PCDHA9: variants seen among roughly 807,000 people sequenced by gnomAD.
PCDHA9 encodes protocadherin alpha 9.
PCDHA9 carries 62 observed loss-of-function variants against 62.0 expected under a neutral mutation model. The observed-to-expected ratio is 1.00, with a 90% confidence interval of 0.81 to 1.23. The LOEUF is 1.23. PCDHA9 is among the 50% of genes most tolerant of loss of function. The pLI is 0.00. For missense variants in PCDHA9, 1,205 were observed against 1,249.8 expected, an observed-to-expected ratio of 0.96 and a Z score of 0.54; for synonymous variants, 557 against 567.6, an observed-to-expected ratio of 0.98 and a Z score of 0.27.
intron 1 of PCDHA9, among the ~76,000 whole-genome samples, chr5:140,897,323 T>TCCCTCCC (rs2065998893): frequency 1.7e-5 from 2 of 114,654 alleles, no homozygotes; most frequent in South Asian, 6.8e-4. Flanking sequence ...CCTAAAGCTA[T>TCCCTCCC]CCCTCCCCCC....
intron 1 of PCDHA9, chr5:140,930,576 T>C (rs1554207933): frequency 1.3e-5 from 2 of 152,582 alleles, no homozygotes; most frequent in Non-Finnish European, 2.9e-5. Flanking sequence ...TCTACGGTAT[T>C]ACTTTTTGAC....
intron 1 of PCDHA9, chr5:140,871,009 C>T (rs1288290775): frequency 1.9e-6 from 3 of 1,613,246 alleles, no homozygotes; most frequent in African/African-American, 2.7e-5. Flanking sequence ...AACGCGTGCC[C>T]TGGACGAGGC....
rs781814958 is a variant in PCDHA9 at position 140,869,604 on chromosome 5, A to G, written c.2394+18715A>G. On this transcript the variant is annotated intron_variant, in intron 1 of 3. Transcript: ENST00000532602. ...ATGCTGACATTGAAGAGAATGCTCTATTGACCTACAGGCTAAGTAAAAATG... is the reference window on the plus strand; with the variant it reads ...ATGCTGACATTGAAGAGAATGCTCTGTTGACCTACAGGCTAAGTAAAAATG... 5 of 1,613,944 alleles carry G rather than the reference A, an allele frequency of 3.1e-6. No individual in the cohort carries two copies. In the African/African-American group the frequency reaches 4.0e-5, roughly 13 times the overall value.
rs531946864 is a variant in PCDHA9, at chr5:140,866,396, C to T, written c.2394+15507C>T. 5.3e-5 allele frequency: 8 copies of T among 152,156 alleles called. No individual in the cohort carries two copies. In the East Asian group the frequency reaches 9.6e-4, roughly 18 times the overall value. 9.4% of individuals were successfully genotyped at this position (152,156 alleles called of 1,614,324 possible). A position where few individuals can be genotyped will look rare whatever the true frequency, so the allele number is the denominator to read the frequency against. The stretch of plus-strand genomic sequence containing the variant: ...AATAACAATTTTAAAGACATAGATT[C>T]CCATGAAAATCTTCAAATGTGTGTA... On this transcript the variant is annotated intron_variant, in intron 1 of 3. Transcript: ENST00000532602.
rs1263474406 is a variant in PCDHA9, at chr5:140,967,341, A to G, written c.2395-11608A>G. ...ACCTACGAGCTCAGCCCCAGCGAGCACTTCGAGCTGGACCTTAAGCCCCTG... is the reference window on the plus strand; with the variant it reads ...ACCTACGAGCTCAGCCCCAGCGAGCGCTTCGAGCTGGACCTTAAGCCCCTG... On this transcript the variant is annotated intron_variant, in intron 1 of 3. Coordinates refer to ENST00000532602, the MANE Select transcript of PCDHA9 (RefSeq NM_031857.2). 3 of 1,607,922 alleles carry G rather than the reference A, an allele frequency of 1.9e-6. No homozygotes were observed. The highest frequency in any genetic ancestry group is 1.3e-5 in the African/African-American group (1 of 74,782).
intron 1 of PCDHA9, chr5:140,927,766 G>A: frequency 1.2e-6 from 2 of 1,614,234 alleles, no homozygotes; most frequent in Non-Finnish European, 1.7e-6. Context: ...TAAAAGTGGG[G>A]AGGTGCAAGT....
chr5:140,872,160 C>A (rs782612001), intron 1 of PCDHA9, among the ~76,000 whole-genome samples: 10 of 151,070 alleles, frequency 6.6e-5, no homozygotes, highest in African/African-American at 9.8e-5. Context: ...ACATGATTTA[C>A]TTTTCTTTTT....
At chr5:140,899,200 T>G (rs1554188457) in intron 1 of PCDHA9, among the ~76,000 whole-genome samples, 2 of 151,512 alleles carry the variant, frequency 1.3e-5, no homozygotes, top group Admixed American at 1.3e-4. Context: ...CCTGCCTAAT[T>G]GCCCTGGCCA....
intron 1 of PCDHA9, among the ~76,000 whole-genome samples, chr5:140,978,316 A>AC (rs1370469532): frequency 5.4e-4 from 83 of 152,358 alleles, no homozygotes; most frequent in African/African-American, 1.9e-3. Context: ...AGGAGCAGGA[A>AC]CAAGTACAAG....
chr5:140,978,240 C>G (rs1290697340), intron 1 of PCDHA9, among the ~76,000 whole-genome samples: 1 of 152,174 alleles, frequency 6.6e-6, no homozygotes, highest in African/African-American at 2.4e-5. Flanking sequence ...TGGATTTCAG[C>G]TACTCCCTGT....
At chr5:140,869,732 T>C (rs782783003) in intron 1 of PCDHA9, 2 of 1,613,412 alleles carry the variant, frequency 1.2e-6, no homozygotes, top group Non-Finnish European at 1.7e-6. Flanking sequence ...GAACTTAATT[T>C]GCTGCTAACA....
chr5:140,896,366 C>T (rs905088200), intron 1 of PCDHA9, among the ~76,000 whole-genome samples: 1 of 152,090 alleles, frequency 6.6e-6, no homozygotes, highest in Non-Finnish European at 1.5e-5. Context: ...TATAAGCATT[C>T]CCTTTTCTCT....
At position 140,857,632 on chromosome 5, in the gene PCDHA9, G is replaced by C; in HGVS notation, c.2394+6743G>C. On this transcript the variant is annotated intron_variant, in intron 1 of 3. Transcript: ENST00000532602. ...AGCCGCTGGACCACGAGGAGCTGGA[G>C]CTGCTACAGTTCCAGGTGAGCGCGC... 1.9e-6 allele frequency: 3 copies of C among 1,596,770 alleles called. 1 individual carries two copies. Among genetic ancestry groups the C allele is most frequent in the Non-Finnish European group, 2.6e-6 (3 of 1,167,764 alleles).
At chr5:140,916,070 G>A (rs1554197282) in intron 1 of PCDHA9, among the ~76,000 whole-genome samples, 1 of 152,130 alleles carries the variant, frequency 6.6e-6, no homozygotes, top group Non-Finnish European at 1.5e-5. Flanking sequence ...CCTGTGGCCA[G>A]TACTACCACT....
intron 1 of PCDHA9, among the ~76,000 whole-genome samples, chr5:140,899,871 T>G (rs76112838): frequency 0.014 from 2,117 of 152,008 alleles, 43 homozygotes; most frequent in African/African-American, 0.049. Context: ...GCAGTGGTAT[T>G]AACAGAACTC....
chr5:141,004,045 G>T (rs1588047334), intron 3 of PCDHA9, among the ~76,000 whole-genome samples: 1 of 152,222 alleles, frequency 6.6e-6, no homozygotes, highest in East Asian at 1.9e-4. Flanking sequence ...TTGATCATTT[G>T]CTGATACTGG....
At chr5:140,877,663 C>G in intron 1 of PCDHA9, 4 of 1,613,552 alleles carry the variant, frequency 2.5e-6, no homozygotes, top group Non-Finnish European at 3.4e-6. Context: ...CACCGTGAGC[C>G]GGTGCGCGCC....
At chr5:140,968,397 A>G in intron 1 of PCDHA9, 7 of 1,613,892 alleles carry the variant, frequency 4.3e-6, no homozygotes, top group Non-Finnish European at 5.9e-6. Context: ...AAGTTTCGGG[A>G]GTTCTTTGTG....
intron 1 of PCDHA9, chr5:140,856,057 C>T: frequency 6.3e-7 from 1 of 1,587,068 alleles, no homozygotes; most frequent in East Asian, 2.2e-5. Flanking sequence ...AGATGGTTTC[C>T]AGATGTAGCT....
Sources: allele counts gnomAD v4.1 joint callset (sites outside exome capture counted in the v4.1 genomes callset), GRCh38; gene constraint gnomAD v4.1.1; transcripts MANE v1.5; gene names NCBI Gene and HGNC (gene_info 2026-07-23, HGNC 2026-07-21).